The following NEGR1 variants were observed in gnomAD, a reference collection of about 807,000 sequenced individuals.
NEGR1 encodes the protein IgLON family member 4.
In NEGR1, 10 loss-of-function variants were observed where a neutral mutation model predicts 40.9. That is an observed-to-expected ratio of 0.24 (90% confidence interval 0.15 to 0.42). The LOEUF (loss-of-function observed/expected upper bound fraction) is 0.42, where lower values mean the gene tolerates loss of function less well. Among genes scored for constraint, NEGR1 ranks in the 10% least tolerant of loss-of-function variants. The pLI is 1.00. For missense variants in NEGR1, 352 were observed against 438.9 expected, an observed-to-expected ratio of 0.80 and a Z score of 1.77; for synonymous variants, 185 against 166.8, an observed-to-expected ratio of 1.11 and a Z score of -0.84.
At chr1:72,130,567 G>A (rs1650208263) in intron 1 of NEGR1, among the ~76,000 whole-genome samples, 1 of 152,110 alleles carries the variant, frequency 6.6e-6, no homozygotes, top group South Asian at 2.1e-4. Flanking sequence ...CCCATCTCCA[G>A]ACAATTTGGG....
intron 3 of NEGR1, among the ~76,000 whole-genome samples, chr1:71,747,742 A>T (rs1001108552): frequency 2.6e-5 from 4 of 152,108 alleles, no homozygotes; most frequent in African/African-American, 9.7e-5. Flanking sequence ...ATATAATAAT[A>T]GAAACAATCG....
At chr1:71,859,452 A>G (rs1238757763) in intron 2 of NEGR1, among the ~76,000 whole-genome samples, 2 of 152,002 alleles carry the variant, frequency 1.3e-5, no homozygotes. Flanking sequence ...TATTCATACT[A>G]ATTTCTAGCA....
intron 1 of NEGR1, among the ~76,000 whole-genome samples, chr1:72,119,233 A>C (rs899505056): frequency 2.6e-5 from 4 of 151,940 alleles, no homozygotes; most frequent in Non-Finnish European, 5.9e-5. Context: ...TAATATATAA[A>C]TTCATATGCT....
chr1:71,882,437 G>A (rs1263190817), intron 2 of NEGR1, among the ~76,000 whole-genome samples: 1 of 151,930 alleles, frequency 6.6e-6, no homozygotes, highest in East Asian at 1.9e-4. Context: ...CGTGGTTTGA[G>A]GGAAGAATGG....
intron 1 of NEGR1, among the ~76,000 whole-genome samples, chr1:72,254,692 A>T (rs1304057382): frequency 1.5e-5 from 2 of 131,138 alleles, no homozygotes; most frequent in Admixed American, 8.0e-5. Flanking sequence ...ACACAGCGAG[A>T]CTCTGTCTAA....
At chr1:71,621,370 CTTTCCAGG>C (rs1650601897) in intron 4 of NEGR1, among the ~76,000 whole-genome samples, 1 of 151,748 alleles carries the variant, frequency 6.6e-6, no homozygotes. Context: ...CAAAGGTATC[CTTTCCAGG>C]AAAATATGCA....
At chr1:71,490,842 C>G (rs894701761) in intron 6 of NEGR1, among the ~76,000 whole-genome samples, 1 of 151,992 alleles carries the variant, frequency 6.6e-6, no homozygotes, top group Non-Finnish European at 1.5e-5. Context: ...ACAGAACTGG[C>G]TCCTTGAGTT....
In NEGR1 at chr1:71,513,734, C is replaced by T. The variant is rs577898390; in HGVS notation, c.940+79083G>A. Among the ~76,000 whole-genome samples the T allele has an allele frequency of 7.2e-5, 11 of 152,210 alleles. No individual in the cohort carries two copies. In the South Asian group the frequency reaches 1.2e-3, roughly 17 times the overall value. On this transcript the variant is annotated intron_variant, in intron 6 of 6. Coordinates refer to ENST00000357731, the MANE Select transcript of NEGR1 (RefSeq NM_173808.3). Reference sequence around the variant, plus strand: ...CAAGATGGCCGAATAGGAACAGCTCCGGTGAACAGCTCCGGTCTACAGCTC... The same window carrying T: ...CAAGATGGCCGAATAGGAACAGCTCTGGTGAACAGCTCCGGTCTACAGCTC...
intron 6 of NEGR1, among the ~76,000 whole-genome samples, chr1:71,420,487 A>G (rs901533567): frequency 1.3e-5 from 2 of 152,086 alleles, no homozygotes; most frequent in Non-Finnish European, 2.9e-5. Flanking sequence ...TATGTAGTCA[A>G]GTAGAAAAAA....
chr1:72,124,887 C>CTGG (rs894267255), intron 1 of NEGR1, among the ~76,000 whole-genome samples: 4 of 151,976 alleles, frequency 2.6e-5, no homozygotes, highest in Non-Finnish European at 5.9e-5. Context: ...TTTTAAAAGA[C>CTGG]TATAATTTCT....
intron 6 of NEGR1, among the ~76,000 whole-genome samples, chr1:71,552,953 C>T (rs74088159): frequency 0.024 from 3,640 of 151,526 alleles, 151 homozygotes; most frequent in African/African-American, 0.084. Context: ...AATATAGGGA[C>T]ATATAGAAAC....
intron 2 of NEGR1, among the ~76,000 whole-genome samples, chr1:71,918,571 AG>A (rs1190311565): frequency 6.6e-6 from 1 of 152,188 alleles, no homozygotes; most frequent in Non-Finnish European, 1.5e-5. Flanking sequence ...TAACTATTCC[AG>A]GAGTCTTTAC....
At chr1:72,255,319 G>A (rs1655230969) in intron 1 of NEGR1, among the ~76,000 whole-genome samples, 1 of 152,030 alleles carries the variant, frequency 6.6e-6, no homozygotes, top group Admixed American at 6.6e-5. Flanking sequence ...TCTTAATTCA[G>A]AATTCATGAA....
chr1:71,740,476 G>A (rs918509875), intron 3 of NEGR1, among the ~76,000 whole-genome samples: 6 of 151,938 alleles, frequency 3.9e-5, no homozygotes, highest in Non-Finnish European at 7.4e-5. Context: ...TTTTCCTAAC[G>A]AGACACTATC....
rs1207025814 is a variant in NEGR1 at position 71,941,401 on chromosome 1, G to A, written c.177-6090C>T. 2.0e-5 allele frequency among the ~76,000 whole-genome samples: 3 copies of A among 152,150 alleles called. No homozygotes were observed. The East Asian group carries it at 5.8e-4, about 29-fold the overall frequency. The stretch of plus-strand genomic sequence containing the variant: ...GAGTTGATTCCTAGATAATATGTAT[G>A]TATGTATACATAAATTGTATGGTTA... On this transcript the variant is annotated intron_variant, in intron 1 of 6. Transcript: ENST00000357731.
At chr1:71,799,008 C>T (rs1276797077) in intron 2 of NEGR1, among the ~76,000 whole-genome samples, 1 of 150,944 alleles carries the variant, frequency 6.6e-6, no homozygotes, top group Non-Finnish European at 1.5e-5. Flanking sequence ...AGCCTTGAGC[C>T]TTTTGAGGGT....
At chr1:71,876,889 C>A (rs1331901709) in intron 2 of NEGR1, among the ~76,000 whole-genome samples, 1 of 151,918 alleles carries the variant, frequency 6.6e-6, no homozygotes, top group Non-Finnish European at 1.5e-5. Context: ...TAAATCAGAC[C>A]TCTGTTTTAG....
intron 1 of NEGR1, among the ~76,000 whole-genome samples, chr1:72,004,327 G>C (rs1646584227): frequency 6.6e-6 from 1 of 152,062 alleles, no homozygotes; most frequent in South Asian, 2.1e-4. Context: ...GTTTTGTTTT[G>C]AGAGAGTTTC....
At chr1:71,711,073 C>T (rs1171441653) in intron 3 of NEGR1, among the ~76,000 whole-genome samples, 1 of 151,474 alleles carries the variant, frequency 6.6e-6, no homozygotes, top group Non-Finnish European at 1.5e-5. Flanking sequence ...TGAACAAATA[C>T]TTTATTAAAG....
Sources: gnomAD v4.1 joint callset for allele counts (sites outside exome capture counted in the v4.1 genomes callset) on GRCh38, gnomAD v4.1.1 for gene constraint, MANE v1.5 for transcripts, NCBI Gene and HGNC (gene_info 2026-07-23, HGNC 2026-07-21) for gene names.